NPNT: variants seen among roughly 807,000 people sequenced by gnomAD.
NPNT encodes the protein nephronectin.
NPNT carries 45 observed loss-of-function variants against 68.6 expected under a neutral mutation model. The observed-to-expected ratio is 0.66, with a 90% CI of 0.52 to 0.84. The LOEUF (loss-of-function observed/expected upper bound fraction) is 0.84. Among genes scored for constraint, NPNT ranks in the 40% least tolerant of loss-of-function variants. The probability of loss-of-function intolerance (pLI) is 0.00; values close to 1 mark genes in which losing one functional copy is unlikely to be tolerated. For synonymous variants in NPNT, 233 were observed against 253.3 expected (o/e 0.92, Z 0.76); for missense variants, 672 against 714.8 (o/e 0.94, Z 0.68).
At chr4:105,950,256 C>A (rs1730713743) in intron 8 of NPNT, among the ~76,000 whole-genome samples, 1 of 152,040 alleles carries the variant, frequency 6.6e-6, no homozygotes, top group Admixed American at 6.6e-5. Context: ...ATCACTTGGA[C>A]CAGGAAACAG....
At chr4:105,949,441 G>A (rs1186116749) in intron 8 of NPNT, among the ~76,000 whole-genome samples, 3 of 152,128 alleles carry the variant, frequency 2.0e-5, no homozygotes, top group Non-Finnish European at 4.4e-5. Context: ...GTTGATCTTG[G>A]ATTTAGGAAT....
intron 7 of NPNT, among the ~76,000 whole-genome samples, 171 bp from the exon 8 acceptor site, chr4:105,942,136 T>TATATATATAGAC (rs140603677): frequency 6.8e-5 from 10 of 147,780 alleles, no homozygotes; most frequent in Middle Eastern, 3.6e-3. Context: ...TATATATATA[T>TATATATATAGAC]ACACACATAT....
intron 8 of NPNT, among the ~76,000 whole-genome samples, chr4:105,945,646 ACCACCCTGGCCCAAG>A (rs942702789): frequency 1.3e-5 from 2 of 152,176 alleles, no homozygotes; most frequent in African/African-American, 4.8e-5. Context: ...CTCCAGTGCT[ACCACCCTGGCCCAAG>A]CCATCTCTCC....
chr4:105,960,868 T>C (rs1342859122), intron 10 of NPNT, among the ~76,000 whole-genome samples: 3 of 152,152 alleles, frequency 2.0e-5, no homozygotes, highest in Non-Finnish European at 4.4e-5. Flanking sequence ...AATAAATTTA[T>C]TTCATTGCTA....
At chr4:105,908,648 C>G (rs942771645) in intron 2 of NPNT, among the ~76,000 whole-genome samples, 4 of 151,754 alleles carry the variant, frequency 2.6e-5, no homozygotes, top group African/African-American at 7.3e-5. Flanking sequence ...ACTGCAACCT[C>G]TGCCTCCTGG....
At chr4:105,912,808 CGTT>C (rs1727475679) in intron 2 of NPNT, among the ~76,000 whole-genome samples, 1 of 152,088 alleles carries the variant, frequency 6.6e-6, no homozygotes, top group Admixed American at 6.6e-5. Context: ...TAGTGGAAAA[CGTT>C]GGTGAAATAT....
chr4:105,905,271 C>T (rs1726796128), intron 2 of NPNT, among the ~76,000 whole-genome samples: 1 of 152,110 alleles, frequency 6.6e-6, no homozygotes, highest in Admixed American at 6.6e-5. Flanking sequence ...AATCCTTATT[C>T]CAATTATATA....
chr4:105,900,841 T>G lies in NPNT; in HGVS notation c.172+2840T>G, dbSNP rs557602358. Among the ~76,000 whole-genome samples the G allele has an allele frequency of 6.7e-5, 10 of 149,974 alleles. No individual in the cohort carries two copies. The South Asian group carries it at 1.9e-3, about 28-fold the overall frequency. On this transcript the variant is annotated intron_variant, in intron 2 of 11. Coordinates refer to ENST00000379987, the MANE Select transcript of NPNT (RefSeq NM_001033047.3). ...TAGGTCATACCCTTGGTTGTTTTTTTTTTTTTTTTTTTTGATTCTTTGTTT... is the reference window on the plus strand; with the variant it reads ...TAGGTCATACCCTTGGTTGTTTTTTGTTTTTTTTTTTTTGATTCTTTGTTT...
chr4:105,916,107 A>G (rs1248783488), intron 2 of NPNT, among the ~76,000 whole-genome samples: 1 of 152,150 alleles, frequency 6.6e-6, no homozygotes, highest in Non-Finnish European at 1.5e-5. Flanking sequence ...CTCTACAAAC[A>G]TATTTTCTTT....
intron 7 of NPNT, among the ~76,000 whole-genome samples, chr4:105,941,473 A>G (rs919207883): frequency 6.6e-6 from 1 of 152,220 alleles, no homozygotes; most frequent in African/African-American, 2.4e-5. Context: ...AAAAAACCCA[A>G]AAGTCATAAT....
intron 2 of NPNT, among the ~76,000 whole-genome samples, chr4:105,916,386 A>ATT (rs1002048993): frequency 4.9e-5 from 7 of 141,778 alleles, no homozygotes; most frequent in Non-Finnish European, 6.2e-5. Flanking sequence ...TGCCCATATA[A>ATT]TTTTTTTTTT....
intron 2 of NPNT, chr4:105,902,823 A>G (rs1311793526): frequency 6.6e-6 from 1 of 152,188 alleles, no homozygotes; most frequent in African/African-American, 2.4e-5. Context: ...GTAGTCTTCA[A>G]AGTTAAGTTT....
At chr4:105,933,099 G>T (rs1029796412) in intron 3 of NPNT, among the ~76,000 whole-genome samples, 1 of 152,122 alleles carries the variant, frequency 6.6e-6, no homozygotes, top group Non-Finnish European at 1.5e-5. Flanking sequence ...TAGAGTTTTA[G>T]GTTATCTGAA....
At position 105,955,117 on chromosome 4, in the gene NPNT, C is replaced by A. The variant is rs898963817; in HGVS notation, c.1160-3354C>A. Among the ~76,000 whole-genome samples the A allele has an allele frequency of 7.9e-5, 12 of 152,222 alleles. 1 individual carries two copies. Among genetic ancestry groups the A allele is most frequent in the Admixed American group, 7.2e-4 (11 of 15,288 alleles). ...TTCTTTTTTAGTTTCTAAATTTATA[C>A]CATTCTAATTCTAAGAATTAATGGT... is the stretch of plus-strand genomic sequence containing the variant. On this transcript the variant is annotated intron_variant, in intron 8 of 11. Transcript: ENST00000379987.
chr4:105,942,577 C>T lies in NPNT; in HGVS notation c.1034C>T (p.Thr345Ile), dbSNP rs1365731998. 6.2e-7 allele frequency: 1 copy of T among 1,614,024 alleles called. No homozygotes were observed. Among genetic ancestry groups the T allele is most frequent in the East Asian group, 2.2e-5 (1 of 44,860 alleles). Residue 345 changes from threonine (T) to isoleucine (I), a missense_variant, in exon 8 of 12, where the codon ACA (threonine) becomes ATA (isoleucine). By Grantham distance (89) the Thr-to-Ile change is moderately conservative. Transcript: ENST00000379987. ...GAGCTCAGAACACCTCTACCACCTA[C>T]AACCCCAGAAAGGCCAACCACCGGA... The part of the protein sequence containing the change: ...PTELRTPLPP[T>I]TPERPTTGLT...
Position 105,967,336 on chromosome 4 carries a change from G to A in NPNT, c.1494G>A (p.Gln498=), listed in dbSNP as rs377292203. ...CGGGGCTGCACTCTGGCACACTCCAGGTGTTTGTGAGAAAACACGGTGCCC... is the reference window on the plus strand; with the variant it reads ...CGGGGCTGCACTCTGGCACACTCCAAGTGTTTGTGAGAAAACACGGTGCCC... The part of the protein sequence containing the change: ...KVTGLHSGTL[Q]VFVRKHGAHG... The change falls in exon 11 of 12, where the codon CAG becomes CAA. Residue 498 remains glutamine, a synonymous_variant. Transcript: ENST00000379987. The A allele has an allele frequency of 7.4e-6, 12 of 1,611,258 alleles. No homozygotes were observed. Among genetic ancestry groups the A allele is most frequent in the African/African-American group, 2.7e-5 (2 of 74,806 alleles).
intron 10 of NPNT, 59 bp from the exon 11 acceptor site, chr4:105,967,129 C>A: frequency 1.3e-6 from 2 of 1,500,048 alleles, no homozygotes; most frequent in Non-Finnish European, 1.8e-6. Context: ...CCTGTCCATG[C>A]TGCTTGTTCT....
chr4:105,940,430 A>G (rs1729843958), intron 6 of NPNT, 84 bp from the exon 7 acceptor site: 3 of 1,403,260 alleles, frequency 2.1e-6, no homozygotes, highest in African/African-American at 1.4e-5. Context: ...GCCAAAAAAA[A>G]TCATTTTTGA....
At chr4:105,940,439 G>A (rs546778751) in intron 6 of NPNT, 75 bp from the exon 7 acceptor site, 1 of 1,440,966 alleles carries the variant, frequency 6.9e-7, no homozygotes, top group African/African-American at 1.4e-5. Context: ...AATCATTTTT[G>A]AAACTGTATA....
Sources: gnomAD v4.1 joint callset for allele counts (sites outside exome capture counted in the v4.1 genomes callset) on GRCh38, gnomAD v4.1.1 for gene constraint, MANE v1.5 for transcripts, NCBI Gene and HGNC (gene_info 2026-07-23, HGNC 2026-07-21) for gene names.